PTPRM: variants seen among roughly 807,000 people sequenced by gnomAD.
PTPRM encodes the protein receptor-type tyrosine-protein phosphatase mu.
PTPRM carries 47 observed loss-of-function variants against 186.7 expected under a neutral mutation model. The observed-to-expected ratio is 0.25, with a 90% CI of 0.20 to 0.32. The LOEUF is 0.32. PTPRM is among the 10% of genes least tolerant of loss of function. The pLI is 1.00. For missense variants in PTPRM, 1,494 were observed against 1,865.0 expected, an observed-to-expected ratio of 0.80 and a Z score of 3.66; for synonymous variants, 668 against 674.9, an observed-to-expected ratio of 0.99 and a Z score of 0.16.
At chr18:8,181,241 A>G (rs2093569609) in intron 14 of PTPRM, among the ~76,000 whole-genome samples, 1 of 152,204 alleles carries the variant, frequency 6.6e-6, no homozygotes, top group Non-Finnish European at 1.5e-5. Flanking sequence ...AAAAGTGAGA[A>G]TTGAGAGTGA....
chr18:8,099,251 A>G (rs540655737), intron 11 of PTPRM, among the ~76,000 whole-genome samples: 3 of 150,984 alleles, frequency 2.0e-5, no homozygotes, highest in Admixed American at 1.3e-4. Flanking sequence ...CCCCCTGCCC[A>G]TCTGTGTCCT....
chr18:7,899,896 T>A (rs2049567564), intron 3 of PTPRM, among the ~76,000 whole-genome samples: 1 of 152,232 alleles, frequency 6.6e-6, no homozygotes, highest in African/African-American at 2.4e-5. Context: ...ATAATGATAT[T>A]ACAAACTTAA....
Position 7,842,887 on chromosome 18 carries a change from G to A in PTPRM, c.197-45219G>A, listed in dbSNP as rs911832608. Among the ~76,000 whole-genome samples the A allele has an allele frequency of 2.4e-5, 3 of 127,210 alleles. 1 individual carries two copies. Among genetic ancestry groups the A allele is most frequent in the African/African-American group, 6.5e-5 (2 of 30,942 alleles). 83.5% of individuals were successfully genotyped at this position (127,210 alleles called of 152,430 possible). On this transcript the variant is annotated intron_variant, in intron 2 of 32. Coordinates refer to ENST00000580170, the MANE Select transcript of PTPRM (RefSeq NM_001105244.2). ...ATATATATATATATGTTTCTCGTGT[G>A]TATATATATATATGTTTCTCATATG... is the stretch of plus-strand genomic sequence containing the variant.
chr18:8,399,583 A>G (rs1385627207), intron 32 of PTPRM: 1 of 152,256 alleles, frequency 6.6e-6, no homozygotes, highest in Non-Finnish European at 1.5e-5. Context: ...TTTATGGAAC[A>G]TGTCCCAAGA....
chr18:7,882,500 G>A (rs1282564322), intron 2 of PTPRM, among the ~76,000 whole-genome samples: 2 of 152,026 alleles, frequency 1.3e-5, no homozygotes, highest in Admixed American at 1.3e-4. Context: ...TTTGCCTCTC[G>A]TATTCTAAAT....
chr18:7,957,672 C>T (rs1197901111), intron 7 of PTPRM, among the ~76,000 whole-genome samples: 1 of 152,154 alleles, frequency 6.6e-6, no homozygotes, highest in African/African-American at 2.4e-5. Flanking sequence ...AAAGTGAAGT[C>T]AAATGAGACT....
chr18:8,000,591 A>G (rs1197309375), intron 7 of PTPRM, among the ~76,000 whole-genome samples: 1 of 152,206 alleles, frequency 6.6e-6, no homozygotes, highest in Non-Finnish European at 1.5e-5. Flanking sequence ...GAGCACATCT[A>G]AAATCAAGCT....
intron 7 of PTPRM, among the ~76,000 whole-genome samples, chr18:8,065,682 A>C (rs1034501852): frequency 5.9e-5 from 9 of 152,208 alleles, no homozygotes; most frequent in African/African-American, 2.2e-4. Flanking sequence ...TAGCATCCTC[A>C]GGATTGTGAG....
At chr18:7,972,502 A>C (rs2054617339) in intron 7 of PTPRM, among the ~76,000 whole-genome samples, 2 of 134,394 alleles carry the variant, frequency 1.5e-5, no homozygotes, top group Non-Finnish European at 3.1e-5. Flanking sequence ...AAAGGAGAGA[A>C]ACATGGAATA....
intron 14 of PTPRM, among the ~76,000 whole-genome samples, chr18:8,176,092 G>A (rs906661156): frequency 6.6e-6 from 1 of 152,168 alleles, no homozygotes; most frequent in African/African-American, 2.4e-5. Context: ...TCCATCTAAT[G>A]TCAAATTGGG....
chr18:7,949,416 G>A (rs2052785048), intron 6 of PTPRM, 61 bp downstream of exon 6: 2 of 1,417,764 alleles, frequency 1.4e-6, no homozygotes, highest in Non-Finnish European at 1.9e-6. Context: ...GGTGTTGTTA[G>A]TTCATTATCC....
At chr18:7,781,460 CTTTTA>C (rs1305961801) in intron 2 of PTPRM, among the ~76,000 whole-genome samples, 1 of 151,810 alleles carries the variant, frequency 6.6e-6, no homozygotes, top group Non-Finnish European at 1.5e-5. Flanking sequence ...TTTTCTCCTT[CTTTTA>C]TTTTAGGTTC....
chr18:8,070,208 A>G (rs897294408), intron 8 of PTPRM, among the ~76,000 whole-genome samples: 2 of 152,182 alleles, frequency 1.3e-5, no homozygotes, highest in African/African-American at 4.8e-5. Flanking sequence ...TCATACAGTT[A>G]CTTTTCTATA....
intron 31 of PTPRM, among the ~76,000 whole-genome samples, chr18:8,387,443 C>T (rs994631269): frequency 2.6e-5 from 4 of 151,582 alleles, no homozygotes; most frequent in African/African-American, 9.7e-5. Flanking sequence ...GTGCCGCTGC[C>T]GCACAAGCAA....
intron 3 of PTPRM, among the ~76,000 whole-genome samples, chr18:7,890,085 T>C (rs2048992795): frequency 6.6e-6 from 1 of 152,200 alleles, no homozygotes; most frequent in African/African-American, 2.4e-5. Flanking sequence ...TTTGGAGAGC[T>C]TTTTCTTTTT....
chr18:8,277,447 G>C (rs1360589666), intron 19 of PTPRM, among the ~76,000 whole-genome samples: 1 of 152,234 alleles, frequency 6.6e-6, no homozygotes, highest in Non-Finnish European at 1.5e-5. Context: ...AGGCACTGCA[G>C]GAGGCAGCCA....
At chr18:8,041,123 G>A (rs1343133537) in intron 7 of PTPRM, among the ~76,000 whole-genome samples, 1 of 152,160 alleles carries the variant, frequency 6.6e-6, no homozygotes, top group Non-Finnish European at 1.5e-5. Flanking sequence ...GTATGAAATA[G>A]CATATCCCAT....
chr18:7,626,151 C>A (rs2038056809), intron 1 of PTPRM, among the ~76,000 whole-genome samples: 1 of 152,216 alleles, frequency 6.6e-6, no homozygotes, highest in Non-Finnish European at 1.5e-5. Context: ...CTCTGTAGCC[C>A]CGTCTTCAGA....
intron 20 of PTPRM, among the ~76,000 whole-genome samples, chr18:8,304,069 T>C (rs1359842209): frequency 6.6e-6 from 1 of 152,232 alleles, no homozygotes; most frequent in South Asian, 2.1e-4. Context: ...CTTATATATG[T>C]CACCAGTATG....
Sources: gnomAD v4.1 joint callset for allele counts (sites outside exome capture counted in the v4.1 genomes callset) on GRCh38, gnomAD v4.1.1 for gene constraint, MANE v1.5 for transcripts, NCBI Gene and HGNC (gene_info 2026-07-23, HGNC 2026-07-21) for gene names.